DGUOK: variants seen among roughly 807,000 people sequenced by gnomAD.
DGUOK encodes deoxyguanosine kinase, also known as deoxyguanosine kinase, mitochondrial.
A neutral mutation model predicts 36.6 loss-of-function variants in DGUOK; 30 were observed. That is an observed-to-expected ratio of 0.82 (90% confidence interval 0.61 to 1.11). The LOEUF (loss-of-function observed/expected upper bound fraction) is 1.11, where lower values mean the gene tolerates loss of function less well. Ranked by LOEUF, DGUOK falls within the 50% of genes most tolerant of loss-of-function variation. DGUOK has a pLI of 0.00. For missense variants in DGUOK, 361 were observed against 336.4 expected, an observed-to-expected ratio of 1.07 and a Z score of -0.57; for synonymous variants, 145 against 126.3, an observed-to-expected ratio of 1.15 and a Z score of -0.99.
intron 2 of DGUOK, among the ~76,000 whole-genome samples, chr2:73,944,126 C>T (rs1177837266): frequency 6.6e-6 from 1 of 152,154 alleles, no homozygotes; most frequent in Non-Finnish European, 1.5e-5. Flanking sequence ...CAAGCAAATC[C>T]TCCCACCTCA....
At position 73,932,675 on chromosome 2, in the gene DGUOK, C is replaced by T. The variant is rs149961296; in HGVS notation, c.142+5623C>T. On this transcript the variant is annotated intron_variant, in intron 1 of 6. Coordinates refer to ENST00000264093, the MANE Select transcript of DGUOK (RefSeq NM_080916.3). Reference sequence around the variant, plus strand: ...AGGGAAGGTGAACCCCTGTCCTGACCAAAATTGGGTATGTTTAGAGGGCTT... The same window carrying T: ...AGGGAAGGTGAACCCCTGTCCTGACTAAAATTGGGTATGTTTAGAGGGCTT... 8.0e-5 allele frequency: 103 copies of T among 1,286,368 alleles called. No homozygotes were observed. In the African/African-American group the frequency reaches 1.4e-3, roughly 17 times the overall value. The allele number at this position is 1,286,368 out of a possible 1,614,324, so 79.7% of individuals were successfully genotyped here. A position where few individuals can be genotyped will look rare whatever the true frequency, so the allele number is the denominator to read the frequency against.
chr2:73,937,621 G>A lies in DGUOK; in HGVS notation c.143-1289G>A, dbSNP rs148927508. 1.2e-3 allele frequency among the ~76,000 whole-genome samples: 190 copies of A among 152,316 alleles called. 1 individual carries two copies. The highest frequency in any genetic ancestry group is 4.5e-3 in the African/African-American group (186 of 41,568). On this transcript the variant is annotated intron_variant, in intron 1 of 6. Coordinates refer to ENST00000264093, the MANE Select transcript of DGUOK (RefSeq NM_080916.3). ...ATACCCTGAGGTCTGGGATACAGGAGGAAGCTCAATTTGGTGGGAAAGATG... is the reference window on the plus strand; with the variant it reads ...ATACCCTGAGGTCTGGGATACAGGAAGAAGCTCAATTTGGTGGGAAAGATG...
At chr2:73,935,177 G>A (rs907603015) in intron 1 of DGUOK, among the ~76,000 whole-genome samples, 1 of 152,194 alleles carries the variant, frequency 6.6e-6, no homozygotes, top group East Asian at 1.9e-4. Context: ...GGAGGCAGAG[G>A]TTGCTGTGAG....
At chr2:73,930,093 A>G (rs897791661) in intron 1 of DGUOK, among the ~76,000 whole-genome samples, 1 of 152,196 alleles carries the variant, frequency 6.6e-6, no homozygotes, top group Admixed American at 6.5e-5. Flanking sequence ...CTTAGCTAGG[A>G]GCACAATTCA....
At chr2:73,958,054 C>T (rs1553406648) in intron 5 of DGUOK, 92 bp from the exon 6 acceptor site, 7 of 955,094 alleles carry the variant, frequency 7.3e-6, no homozygotes, top group South Asian at 1.4e-5. Flanking sequence ...GAATTTAGAT[C>T]TGTTCTCTGA....
rs371883253 is a variant in DGUOK, at chr2:73,946,758, A to G, written c.295A>G (p.Met99Val). The G allele has an allele frequency of 2.5e-6, 4 of 1,614,090 alleles. No homozygotes were observed. Among genetic ancestry groups the G allele is most frequent in the Non-Finnish European group, 3.4e-6 (4 of 1,180,036 alleles). Residue 99 changes from methionine (M) to valine (V), a missense_variant, in exon 3 of 7, where the codon ATG becomes GTG. Transcript: ENST00000264093. The part of the protein sequence containing the change: ...AQSLGNLLDM[M>V]YREPARWSYT... ...AAGTCTTGGAAACTTGCTGGATATG[A>G]TGTACCGGGAGCCAGCACGATGGTC...
At chr2:73,932,387 C>G (rs1259217996) in intron 1 of DGUOK, among the ~76,000 whole-genome samples, 1 of 152,174 alleles carries the variant, frequency 6.6e-6, no homozygotes, top group Non-Finnish European at 1.5e-5. Flanking sequence ...TTTGCACATT[C>G]ACCACCTTCC....
intron 3 of DGUOK, among the ~76,000 whole-genome samples, chr2:73,950,202 T>C (rs894726382): frequency 6.6e-6 from 1 of 152,130 alleles, no homozygotes. Context: ...GGCCTTGCTA[T>C]AATAATAATA....
intron 4 of DGUOK, among the ~76,000 whole-genome samples, chr2:73,951,768 C>T (rs1682722064): frequency 6.6e-6 from 1 of 152,106 alleles, no homozygotes; most frequent in African/African-American, 2.4e-5. Flanking sequence ...GTGACTGGGG[C>T]CAGATATTGG....
intron 4 of DGUOK, among the ~76,000 whole-genome samples, chr2:73,953,320 TGGG>T (rs1359402958): frequency 5.3e-5 from 8 of 150,974 alleles, no homozygotes; most frequent in African/African-American, 1.2e-4. Flanking sequence ...CGTCGTCACT[TGGG>T]GGCAGATCTG....
chr2:73,940,961 T>G (rs1016739580), intron 2 of DGUOK, among the ~76,000 whole-genome samples: 1 of 152,274 alleles, frequency 6.6e-6, no homozygotes, highest in African/African-American at 2.4e-5. Context: ...CACAATTGTT[T>G]GATATTCCTC....
Position 73,952,029 on chromosome 2 carries a change from G to A in DGUOK, c.591+1297G>A, listed in dbSNP as rs766214729. 2.0e-4 allele frequency among the ~76,000 whole-genome samples: 31 copies of A among 152,274 alleles called. No individual in the cohort carries two copies. In the Middle Eastern group the frequency reaches 0.01, roughly 50 times the overall value. Reference sequence around the variant, plus strand: ...ACAAAAAAGTTTAAAAATTAGCTGAGTGTGGTTATGTGTGCCTGTGGTTTT... The same window carrying A: ...ACAAAAAAGTTTAAAAATTAGCTGAATGTGGTTATGTGTGCCTGTGGTTTT... On this transcript the variant is annotated intron_variant, in intron 4 of 6. Coordinates refer to ENST00000264093, the MANE Select transcript of DGUOK (RefSeq NM_080916.3).
At chr2:73,933,250 A>G (rs1681194560) in intron 1 of DGUOK, among the ~76,000 whole-genome samples, 1 of 152,224 alleles carries the variant, frequency 6.6e-6, no homozygotes, top group Admixed American at 6.5e-5. Context: ...CAAATACTGT[A>G]TAGTGGATTC....
At chr2:73,958,020 G>A (rs991650793) in intron 5 of DGUOK, 126 bp from the exon 6 acceptor site, 1 of 733,670 alleles carries the variant, frequency 1.4e-6, no homozygotes, top group Non-Finnish European at 2.4e-6. Context: ...CAGTTTACAT[G>A]CAGTTTCTTT....
intron 4 of DGUOK, among the ~76,000 whole-genome samples, chr2:73,953,704 A>ATTC (rs1392584919): frequency 7.9e-6 from 1 of 125,832 alleles, no homozygotes; most frequent in Non-Finnish European, 1.7e-5. Context: ...CTTTCTACCT[A>ATTC]TTCTTCCCTA....
chr2:73,946,962 G>A, intron 3 of DGUOK, 56 bp downstream of exon 3: 7 of 1,473,114 alleles, frequency 4.8e-6, no homozygotes, highest in Non-Finnish European at 6.6e-6. Flanking sequence ...CTGCCTGTTT[G>A]ATCTTGCACA....
chr2:73,941,243 C>G (rs950291861), intron 2 of DGUOK, among the ~76,000 whole-genome samples: 4 of 152,170 alleles, frequency 2.6e-5, no homozygotes, highest in African/African-American at 9.7e-5. Context: ...AGCCTTCATA[C>G]AACTGTAGCC....
In DGUOK at chr2:73,927,190, C is replaced by T. The variant is rs1573490899; in HGVS notation, c.142+138C>T. On this transcript the variant is annotated intron_variant, in intron 1 of 6. Transcript: ENST00000264093. ...CTGGGCTGCGAGGAGAGCCTTTCCC[C>T]TCGCAAAGTGCACTGTGTATCTTTG... 3 of 1,186,980 alleles carry T rather than the reference C, an allele frequency of 2.5e-6. No individual in the cohort carries two copies. The South Asian group carries it at 4.1e-5, about 16-fold the overall frequency. The allele number at this position is 1,186,980 out of a possible 1,614,324, so 73.5% of individuals were successfully genotyped here.
chr2:73,943,324 T>C (rs116494113), intron 2 of DGUOK, among the ~76,000 whole-genome samples: 2 of 30,828 alleles, frequency 6.5e-5, no homozygotes, highest in Non-Finnish European at 2.3e-4. Flanking sequence ...TACTTAAAAA[T>C]TTTTTTTTTT....
Sources: allele counts gnomAD v4.1 joint callset (sites outside exome capture counted in the v4.1 genomes callset), GRCh38; gene constraint gnomAD v4.1.1; transcripts MANE v1.5; gene names NCBI Gene and HGNC (gene_info 2026-07-23, HGNC 2026-07-21).